PIAS4: variants seen among roughly 807,000 people sequenced by gnomAD.
PIAS4 encodes the protein protein inhibitor of activated STAT 4.
A neutral mutation model predicts 58.0 loss-of-function variants in PIAS4; 7 were observed. The observed-to-expected ratio is 0.12, with a 90% CI of 0.07 to 0.23. The LOEUF is 0.23. PIAS4 is among the 10% of genes least tolerant of loss of function. The pLI is 1.00. For missense variants in PIAS4, 550 were observed against 709.5 expected, an observed-to-expected ratio of 0.78 and a Z score of 2.55; for synonymous variants, 364 against 312.4, an observed-to-expected ratio of 1.17 and a Z score of -1.74.
chr19:4,031,622 G>A (rs1202092655), intron 7 of PIAS4, among the ~76,000 whole-genome samples: 2 of 152,172 alleles, frequency 1.3e-5, no homozygotes, highest in Non-Finnish European at 2.9e-5. Context: ...AGGCCCACGG[G>A]GTGGGGGCCG....
rs2040329222 is a variant in PIAS4 at position 4,038,597 on chromosome 19, G to C, written c.*722G>C. 1 of 152,348 alleles carries C rather than the reference G, an allele frequency of 6.6e-6. No individual in the cohort carries two copies. Among genetic ancestry groups the C allele is most frequent in the Admixed American group, 6.5e-5 (1 of 15,274 alleles). The allele number at this position is 152,348 out of a possible 1,614,324, so 9.4% of individuals were successfully genotyped here. A position where few individuals can be genotyped will look rare whatever the true frequency, so the allele number is the denominator to read the frequency against. On this transcript the variant is annotated 3_prime_UTR_variant, in exon 11 of 11. Transcript: ENST00000262971. This position sits in a 1 kb window ranked among gnomAD's most constrained non-coding sequence, Gnocchi z 4.1. ...TCAGGAACCCCCGGGGAAGGCGGGGGCCCAGGGTGCGGCACCGTGTGGCGT... is the reference window on the plus strand; with the variant it reads ...TCAGGAACCCCCGGGGAAGGCGGGGCCCCAGGGTGCGGCACCGTGTGGCGT...
At position 4,013,154 on chromosome 19, in the gene PIAS4, C is replaced by CA. The variant is rs2040014335; in HGVS notation, c.260dup (p.His87GlnfsTer21). The stretch of plus-strand genomic sequence containing the variant: ...CCGGCCCCTGGACCCCCTGACCATG[C>CA]ACTCCACCTACGACCGGGCCGGCGC... On this transcript the variant is annotated frameshift_variant, in exon 2 of 11. Coordinates refer to ENST00000262971, the MANE Select transcript of PIAS4 (RefSeq NM_015897.4). LOFTEE classifies it high-confidence loss of function. This position sits in a 1 kb window ranked among gnomAD's most constrained non-coding sequence, Gnocchi z 5.1. 1 of 1,613,336 alleles carries CA rather than the reference C, an allele frequency of 6.2e-7. No homozygotes were observed. The highest frequency in any genetic ancestry group is 8.5e-7 in the Non-Finnish European group (1 of 1,180,020).
chr19:4,028,063 C>G (rs1325602768), intron 3 of PIAS4, 83 bp from the exon 4 acceptor site: 2 of 1,318,144 alleles, frequency 1.5e-6, no homozygotes, highest in Admixed American at 1.7e-5. Flanking sequence ...GTGTGGCGGT[C>G]TCCACCTTGT....
intron 2 of PIAS4, among the ~76,000 whole-genome samples, chr19:4,016,045 C>T (rs958684961): frequency 6.6e-6 from 1 of 152,232 alleles, no homozygotes; most frequent in Non-Finnish European, 1.5e-5. Context: ...GGCCTGCCTT[C>T]CCTCCTCCCG....
intron 9 of PIAS4, 79 bp downstream of exon 9, chr19:4,033,659 C>G (rs2040247015): frequency 8.1e-7 from 1 of 1,231,552 alleles, no homozygotes; most frequent in Non-Finnish European, 1.1e-6. Flanking sequence ...TCCTGCAGAC[C>G]ACATGGTGCC....
chr19:4,037,623 G>A lies in PIAS4; in HGVS notation c.1281G>A (p.Ser427=), dbSNP rs747145511. 82 of 1,610,418 alleles carry A rather than the reference G, an allele frequency of 5.1e-5. No homozygotes were observed. The South Asian group carries it at 6.3e-4, about 12-fold the overall frequency. Reference sequence around the variant, plus strand: ...TGTCCCTGTTGCCCGTAGGCCCCTCGGACGCCAATGGGCTCCTGCCCGCCC... The same window carrying A: ...TGTCCCTGTTGCCCGTAGGCCCCTCAGACGCCAATGGGCTCCTGCCCGCCC... ...PQGAILVLGP[S]DANGLLPAPS... The change falls in exon 11 of 11, where the codon TCG becomes TCA. Residue 427 remains serine, a synonymous_variant. Transcript: ENST00000262971. This position sits in a 1 kb window ranked among gnomAD's most constrained non-coding sequence, Gnocchi z 5.8.
chr19:4,022,350 T>G (rs2040118388), intron 2 of PIAS4, among the ~76,000 whole-genome samples: 2 of 152,036 alleles, frequency 1.3e-5, no homozygotes, highest in South Asian at 4.2e-4. Context: ...GTTGTTGTTG[T>G]TTTTGGTGGT....
At chr19:4,021,488 A>G (rs563062573) in intron 2 of PIAS4, among the ~76,000 whole-genome samples, 5 of 152,218 alleles carry the variant, frequency 3.3e-5, no homozygotes, top group Admixed American at 3.3e-4. Flanking sequence ...ATTTCTACAC[A>G]AATCGCAGGG....
intron 3 of PIAS4, among the ~76,000 whole-genome samples, chr19:4,026,472 A>G (rs374655948): frequency 1.5e-4 from 23 of 151,700 alleles, no homozygotes; most frequent in African/African-American, 5.3e-4. Flanking sequence ...TTTGCATACC[A>G]TAGAATATAC....
chr19:4,024,623 C>T (rs2040144089), intron 3 of PIAS4, among the ~76,000 whole-genome samples: 1 of 152,222 alleles, frequency 6.6e-6, no homozygotes, highest in African/African-American at 2.4e-5. Flanking sequence ...AGGCTGCATA[C>T]ATTGAAATCC....
chr19:4,031,142 G>A (rs1474049056), intron 7 of PIAS4, among the ~76,000 whole-genome samples: 1 of 151,900 alleles, frequency 6.6e-6, no homozygotes, highest in Non-Finnish European at 1.5e-5. Context: ...CATGAGCACT[G>A]CCCTCCTGGC....
chr19:4,016,421 C>T (rs993237459), intron 2 of PIAS4, among the ~76,000 whole-genome samples: 1 of 152,238 alleles, frequency 6.6e-6, no homozygotes. Flanking sequence ...CAAGAGCCGC[C>T]GGTCTGGCAT....
At chr19:4,028,254 G>A (rs1165475871) in intron 4 of PIAS4, 67 bp downstream of exon 4, 2 of 963,388 alleles carry the variant, frequency 2.1e-6, no homozygotes, top group African/African-American at 7.4e-5. Context: ...CCGCCCCCCA[G>A]TCCTGGCCCA....
intron 1 of PIAS4, 118 bp from the exon 2 acceptor site, chr19:4,012,805 C>T (rs1415823813): frequency 1.3e-5 from 15 of 1,155,588 alleles, no homozygotes; most frequent in Non-Finnish European, 1.7e-5. Context: ...CCAGCCAAGG[C>T]TGGCGCTTCC....
intron 7 of PIAS4, among the ~76,000 whole-genome samples, chr19:4,032,832 C>T (rs1351367019): frequency 2.6e-5 from 4 of 152,194 alleles, no homozygotes; most frequent in Admixed American, 1.3e-4. Context: ...TCATAGTCCA[C>T]GCAGGGTGGG....
chr19:4,030,061 A>G (rs2040208493), intron 7 of PIAS4, among the ~76,000 whole-genome samples: 1 of 151,396 alleles, frequency 6.6e-6, no homozygotes, highest in Admixed American at 6.6e-5. Context: ...TGACCTCGTG[A>G]TCCGCTTGCC....
intron 9 of PIAS4, among the ~76,000 whole-genome samples, chr19:4,033,841 C>T (rs1033495371): frequency 1.3e-5 from 2 of 152,218 alleles, no homozygotes; most frequent in Admixed American, 6.5e-5. Flanking sequence ...TCCCACGTGA[C>T]CTCAGGCAAG....
At position 4,037,368 on chromosome 19, in the gene PIAS4, C is replaced by G. The variant is rs763924514; in HGVS notation, c.1143-6C>G. 2 of 1,601,128 alleles carry G rather than the reference C, an allele frequency of 1.2e-6. No individual in the cohort carries two copies. Among genetic ancestry groups the G allele is most frequent in the Non-Finnish European group, 1.7e-6 (2 of 1,171,894 alleles). Reference sequence around the variant, plus strand: ...GCCCCGGCGTCAGCTGTCCGCCTCGCCCCAGGCTCCTCTCGAAGATCCTGA... The same window carrying G: ...GCCCCGGCGTCAGCTGTCCGCCTCGGCCCAGGCTCCTCTCGAAGATCCTGA... On this transcript the variant is annotated splice_polypyrimidine_tract_variant and splice_region_variant and intron_variant, in intron 9 of 10. Transcript: ENST00000262971. The surrounding 1 kb of genome is among the most constrained non-coding windows in gnomAD (Gnocchi z 5.8).
At chr19:4,014,754 C>T (rs2144909678) in intron 2 of PIAS4, among the ~76,000 whole-genome samples, 1 of 152,368 alleles carries the variant, frequency 6.6e-6, no homozygotes, top group East Asian at 1.9e-4. Flanking sequence ...CCTTCTCTGG[C>T]ACGCTTCAGT....
Sources: gnomAD v4.1 joint callset for allele counts (sites outside exome capture counted in the v4.1 genomes callset) on GRCh38, gnomAD v4.1.1 for gene constraint, Gnocchi (gnomAD v3.1) non-coding constraint, MANE v1.5 for transcripts, NCBI Gene and HGNC (gene_info 2026-07-23, HGNC 2026-07-21) for gene names.